TTLL11: variants seen among roughly 807,000 people sequenced by gnomAD.
TTLL11 encodes tubulin polyglutamylase TTLL11.
Under a neutral mutation model 51.7 loss-of-function variants are expected in TTLL11, and 42 were observed. That is an observed-to-expected ratio of 0.81 (90% CI 0.64 to 1.05). The LOEUF is 1.05. Ranked by LOEUF, TTLL11 falls within the 50% of genes least tolerant of loss-of-function variation. The pLI, the probability that TTLL11 is intolerant of heterozygous loss-of-function variation, is 0.00. For synonymous variants in TTLL11, 381 were observed against 383.5 expected, an observed-to-expected ratio of 0.99 and a Z score of 0.08; for missense variants, 799 against 940.4, an observed-to-expected ratio of 0.85 and a Z score of 1.97.
At chr9:122,081,478 A>T (rs1846004196) in intron 1 of TTLL11, among the ~76,000 whole-genome samples, 1 of 152,268 alleles carries the variant, frequency 6.6e-6, no homozygotes. Flanking sequence ...AGATGCAGGG[A>T]CATCTGTACA....
chr9:121,973,419 G>A (rs1842623191), intron 6 of TTLL11, among the ~76,000 whole-genome samples: 1 of 152,226 alleles, frequency 6.6e-6, no homozygotes, highest in African/African-American at 2.4e-5. Context: ...TGTGCTTGAG[G>A]ATTTCAAAGA....
At chr9:121,926,859 C>T (rs59674180) in intron 6 of TTLL11, among the ~76,000 whole-genome samples, 11,745 of 152,166 alleles carry the variant, frequency 0.077, 662 homozygotes, top group African/African-American at 0.16. Context: ...ATGTATTTCC[C>T]GTGGTTTGGA....
intron 1 of TTLL11, among the ~76,000 whole-genome samples, chr9:122,052,453 C>T (rs144237847): frequency 3.6e-4 from 55 of 152,292 alleles, no homozygotes; most frequent in Non-Finnish European, 6.2e-4. Flanking sequence ...ACAATAATGT[C>T]GACTTGATTG....
chr9:122,048,101 A>G (rs1018453393), intron 1 of TTLL11, among the ~76,000 whole-genome samples: 1 of 152,076 alleles, frequency 6.6e-6, no homozygotes, highest in Non-Finnish European at 1.5e-5. Context: ...CCCTTCCTCC[A>G]GGGTCTCCTC....
chr9:121,946,044 T>A (rs969786408), intron 6 of TTLL11, among the ~76,000 whole-genome samples: 2 of 152,232 alleles, frequency 1.3e-5, no homozygotes, highest in African/African-American at 4.8e-5. Flanking sequence ...TTCTGAGCCT[T>A]GAAGAGCTCA....
chr9:122,015,119 C>A (rs1221029998), intron 3 of TTLL11, among the ~76,000 whole-genome samples: 3 of 152,114 alleles, frequency 2.0e-5, no homozygotes, highest in African/African-American at 7.2e-5. Flanking sequence ...ATATAAAAAT[C>A]ATTTGGTAAA....
intron 1 of TTLL11, among the ~76,000 whole-genome samples, chr9:122,091,853 T>C (rs548651561): frequency 2.0e-5 from 3 of 152,328 alleles, no homozygotes; most frequent in Admixed American, 6.5e-5. Context: ...GGTGCTACAT[T>C]CCATCCCCTG....
At chr9:122,005,625 C>T (rs1466597219) in intron 3 of TTLL11, among the ~76,000 whole-genome samples, 1 of 152,194 alleles carries the variant, frequency 6.6e-6, no homozygotes, top group African/African-American at 2.4e-5. Context: ...CATTCTGATT[C>T]AGAAATTAAG....
chr9:122,044,294 T>A, intron 1 of TTLL11, among the ~76,000 whole-genome samples: 1 of 152,116 alleles, frequency 6.6e-6, no homozygotes, highest in Non-Finnish European at 1.5e-5. Flanking sequence ...GTCTTTGCTA[T>A]TGTGAATAGT....
intron 6 of TTLL11, among the ~76,000 whole-genome samples, chr9:121,924,372 G>T (rs1343456781): frequency 6.6e-6 from 1 of 152,224 alleles, no homozygotes; most frequent in African/African-American, 2.4e-5. Context: ...CTTAACAGCA[G>T]GGGAGGGCAG....
chr9:121,894,749 G>A (rs1026375919), intron 6 of TTLL11, among the ~76,000 whole-genome samples: 48 of 152,138 alleles, frequency 3.2e-4, no homozygotes, highest in Admixed American at 6.6e-5. Context: ...GGGCCTGTCG[G>A]GGGGTGGGGA....
intron 1 of TTLL11, among the ~76,000 whole-genome samples, chr9:122,059,884 T>G (rs1303639958): frequency 1.3e-5 from 2 of 152,112 alleles, no homozygotes; most frequent in East Asian, 1.9e-4. Context: ...GGGACTGAGA[T>G]CCTTATTTTC....
intron 6 of TTLL11, among the ~76,000 whole-genome samples, chr9:121,946,348 C>T (rs1046911805): frequency 2.0e-5 from 3 of 152,094 alleles, no homozygotes; most frequent in African/African-American, 7.2e-5. Flanking sequence ...CTCCTGGGCC[C>T]CCTTCCCCTG....
At chr9:122,005,805 G>C (rs1474592960) in intron 3 of TTLL11, among the ~76,000 whole-genome samples, 1 of 152,178 alleles carries the variant, frequency 6.6e-6, no homozygotes, top group Non-Finnish European at 1.5e-5. Flanking sequence ...CACCTAGGGA[G>C]GGTTTTGGAA....
chr9:122,002,800 G>T (rs921601675), intron 3 of TTLL11, among the ~76,000 whole-genome samples: 1 of 151,968 alleles, frequency 6.6e-6, no homozygotes, highest in Non-Finnish European at 1.5e-5. Context: ...ACAAAAATTA[G>T]CTGGGCGTGG....
At chr9:122,017,846 T>C (rs1461923930) in intron 3 of TTLL11, among the ~76,000 whole-genome samples, 2 of 151,960 alleles carry the variant, frequency 1.3e-5, no homozygotes, top group African/African-American at 4.8e-5. Context: ...TGGGAGAAAA[T>C]GAAGGCTAAA....
chr9:121,988,034 T>G (rs990404928), intron 4 of TTLL11, among the ~76,000 whole-genome samples: 1 of 151,978 alleles, frequency 6.6e-6, no homozygotes, highest in African/African-American at 2.4e-5. Context: ...TCCATGCAAG[T>G]ACCCAAGCCA....
intron 6 of TTLL11, among the ~76,000 whole-genome samples, chr9:121,968,028 T>C (rs1432939487): frequency 6.6e-6 from 1 of 152,176 alleles, no homozygotes; most frequent in Non-Finnish European, 1.5e-5. Context: ...TGGTTTCCTT[T>C]TGGAGTGGCA....
At chr9:121,942,775 G>A (rs1001841835) in intron 6 of TTLL11, among the ~76,000 whole-genome samples, 4 of 134,942 alleles carry the variant, frequency 3.0e-5, no homozygotes, top group African/African-American at 1.1e-4. Flanking sequence ...TGAATATAGC[G>A]AGTGCTTTCA....
Sources: allele counts gnomAD v4.1 joint callset (sites outside exome capture counted in the v4.1 genomes callset), GRCh38; gene constraint gnomAD v4.1.1; transcripts MANE v1.5; gene names NCBI Gene and HGNC (gene_info 2026-07-23, HGNC 2026-07-21).